CPNE4: variants seen among roughly 807,000 people sequenced by gnomAD.
The protein encoded by CPNE4 is copine 4.
CPNE4 carries 25 observed loss-of-function variants against 67.9 expected under a neutral mutation model. The observed-to-expected ratio is 0.37, with a 90% CI of 0.27 to 0.51. The LOEUF (loss-of-function observed/expected upper bound fraction) is 0.51, where lower values mean the gene tolerates loss of function less well. Among genes scored for constraint, CPNE4 ranks in the 20% least tolerant of loss-of-function variants. CPNE4 has a pLI of 0.93. For missense variants in CPNE4, 464 were observed against 690.8 expected (o/e 0.67, Z 3.68); for synonymous variants, 242 against 244.9 (o/e 0.99, Z 0.11).
rs1324068519 is a variant in CPNE4, at chr3:131,534,415, C to T, written c.*780G>A. 6.6e-6 allele frequency: 1 copy of T among 152,172 alleles called. No individual in the cohort carries two copies. Among genetic ancestry groups the T allele is most frequent in the Non-Finnish European group, 1.5e-5 (1 of 68,024 alleles). 9.4% of individuals were successfully genotyped at this position (152,172 alleles called of 1,614,324 possible). ...GTTTTTGATGGTCTCCATCATGACA[C>T]CCTAAAGTCTAGATCCTCACTCCTC... On this transcript the variant is annotated 3_prime_UTR_variant, in exon 16 of 16. Transcript: ENST00000429747.
intron 10 of CPNE4, among the ~76,000 whole-genome samples, chr3:131,569,041 T>C (rs534876008): frequency 6.6e-6 from 1 of 152,170 alleles, no homozygotes; most frequent in East Asian, 1.9e-4. Context: ...AATGTTACAT[T>C]TTTATTCTTT....
chr3:131,810,710 G>A (rs558110125), intron 2 of CPNE4, among the ~76,000 whole-genome samples: 32 of 152,210 alleles, frequency 2.1e-4, no homozygotes, highest in African/African-American at 6.7e-4. Context: ...TTGAAATTCG[G>A]ATCTGGAAGA....
At chr3:131,729,598 T>A (rs1560196390) in intron 2 of CPNE4, among the ~76,000 whole-genome samples, 1 of 152,212 alleles carries the variant, frequency 6.6e-6, no homozygotes, top group African/African-American at 2.4e-5. Flanking sequence ...TTGGTGCTGA[T>A]GAGACATGGT....
intron 6 of CPNE4, among the ~76,000 whole-genome samples, chr3:131,675,731 C>G (rs978818026): frequency 1.3e-5 from 2 of 149,780 alleles, no homozygotes; most frequent in African/African-American, 4.9e-5. Flanking sequence ...CTAAATATCA[C>G]TGGATCTTGT....
At chr3:132,002,029 C>T (rs2073465961) in intron 1 of CPNE4, among the ~76,000 whole-genome samples, 1 of 151,940 alleles carries the variant, frequency 6.6e-6, no homozygotes. Flanking sequence ...CCAGTGAGTC[C>T]CAGGCTCCTT....
At chr3:131,917,875 T>C (rs2070614152) in intron 1 of CPNE4, among the ~76,000 whole-genome samples, 2 of 152,294 alleles carry the variant, frequency 1.3e-5, no homozygotes, top group Middle Eastern at 3.4e-3. Context: ...TGTGGATTTC[T>C]AGTTCTCACT....
chr3:131,821,704 G>A (rs1326331462), intron 2 of CPNE4, among the ~76,000 whole-genome samples: 3 of 152,148 alleles, frequency 2.0e-5, no homozygotes, highest in Non-Finnish European at 4.4e-5. Context: ...GAACATAGCT[G>A]TGCACGACAA....
chr3:131,672,133 T>C (rs953046824), intron 6 of CPNE4, among the ~76,000 whole-genome samples: 2 of 152,194 alleles, frequency 1.3e-5, no homozygotes, highest in African/African-American at 2.4e-5. Flanking sequence ...GTTTTATCCA[T>C]GTTGTCACAA....
At chr3:131,578,415 C>T (rs1052179295) in intron 9 of CPNE4, among the ~76,000 whole-genome samples, 3 of 152,074 alleles carry the variant, frequency 2.0e-5, no homozygotes, top group African/African-American at 7.2e-5. Context: ...CTTGGGTCTC[C>T]CTATCCCCTG....
chr3:131,653,365 G>A (rs369627915), intron 7 of CPNE4, among the ~76,000 whole-genome samples: 83 of 151,908 alleles, frequency 5.5e-4, no homozygotes, highest in South Asian at 4.6e-3. Flanking sequence ...AGCCAGGATG[G>A]TCTCGATCTG....
At chr3:131,717,807 TG>T (rs1201960305) in intron 3 of CPNE4, among the ~76,000 whole-genome samples, 3 of 152,122 alleles carry the variant, frequency 2.0e-5, no homozygotes, top group African/African-American at 4.8e-5. Context: ...CCACCGTTTA[TG>T]GGGAATGCCA....
At chr3:131,736,925 ATCT>A (rs2082248300) in intron 2 of CPNE4, among the ~76,000 whole-genome samples, 1 of 152,100 alleles carries the variant, frequency 6.6e-6, no homozygotes, top group African/African-American at 2.4e-5. Flanking sequence ...ATCTCAACAG[ATCT>A]TCAATTCACT....
At chr3:131,880,443 T>C (rs6769415) in intron 2 of CPNE4, among the ~76,000 whole-genome samples, 53,816 of 152,048 alleles carry the variant, frequency 0.35, 10,699 homozygotes, top group African/African-American at 0.53. Flanking sequence ...CAACTATTTA[T>C]TGAATGAATG....
intron 1 of CPNE4, among the ~76,000 whole-genome samples, chr3:131,944,265 G>A (rs2071484666): frequency 6.6e-6 from 1 of 151,626 alleles, no homozygotes; most frequent in Non-Finnish European, 1.5e-5. Context: ...GGAAAGCCCA[G>A]AGCAGTTTGG....
chr3:131,637,814 C>T (rs1389659808), intron 7 of CPNE4, among the ~76,000 whole-genome samples: 1 of 152,072 alleles, frequency 6.6e-6, no homozygotes, highest in Non-Finnish European at 1.5e-5. Context: ...TAAAGGAAAG[C>T]CTATCAGATT....
rs149383155 is a variant in CPNE4 at position 131,927,366 on chromosome 3, C to T, written c.-1-21922G>A. Among the ~76,000 whole-genome samples, 8 of 152,244 alleles carry T rather than the reference C, an allele frequency of 5.3e-5. No individual in the cohort carries two copies. In the East Asian group the frequency reaches 1.5e-3, roughly 29 times the overall value. On this transcript the variant is annotated intron_variant, in intron 1 of 15. Coordinates refer to ENST00000429747, the MANE Select transcript of CPNE4 (RefSeq NM_130808.3). ...AGGCACTTTCATGATTAAGAGCAAACTCCCTAATATAGCACACAGAGCCCT... is the reference window on the plus strand; with the variant it reads ...AGGCACTTTCATGATTAAGAGCAAATTCCCTAATATAGCACACAGAGCCCT...
intron 2 of CPNE4, among the ~76,000 whole-genome samples, chr3:131,730,710 T>C (rs537940712): frequency 5.6e-4 from 85 of 152,272 alleles, no homozygotes; most frequent in Admixed American, 1.0e-3. Flanking sequence ...TGGTGCAATC[T>C]CTTGTTCCTC....
intron 1 of CPNE4, among the ~76,000 whole-genome samples, chr3:131,976,391 T>C (rs2072654107): frequency 6.6e-6 from 1 of 152,186 alleles, no homozygotes; most frequent in African/African-American, 2.4e-5. Flanking sequence ...CCAAAGCTCT[T>C]TTCCCTTTAT....
intron 2 of CPNE4, among the ~76,000 whole-genome samples, chr3:131,761,023 T>C (rs1309686359): frequency 6.6e-6 from 1 of 152,068 alleles, no homozygotes; most frequent in Non-Finnish European, 1.5e-5. Flanking sequence ...CCTAGATAAA[T>C]TCATCTTAGA....
Sources: allele counts gnomAD v4.1 joint callset (sites outside exome capture counted in the v4.1 genomes callset), GRCh38; gene constraint gnomAD v4.1.1; transcripts MANE v1.5; gene names NCBI Gene and HGNC (gene_info 2026-07-23, HGNC 2026-07-21).